AP3B1: variants seen among roughly 807,000 people sequenced by gnomAD.
AP3B1 encodes the protein AP-3 complex subunit beta-1.
AP3B1 carries 61 observed loss-of-function variants against 132.5 expected under a neutral mutation model. The observed-to-expected ratio is 0.46, with a 90% CI of 0.37 to 0.57. The LOEUF is 0.57. AP3B1 is among the 20% of genes least tolerant of loss of function. AP3B1 has a pLI of 0.00. For synonymous variants in AP3B1, 388 were observed against 438.3 expected, an observed-to-expected ratio of 0.89 and a Z score of 1.43; for missense variants, 1,120 against 1,289.4, an observed-to-expected ratio of 0.87 and a Z score of 2.01.
intron 1 of AP3B1, among the ~76,000 whole-genome samples, chr5:78,273,841 G>C (rs1245145302): frequency 6.6e-6 from 1 of 151,656 alleles, no homozygotes; most frequent in East Asian, 1.9e-4. Context: ...GACAAGATCA[G>C]AATGATCTGC....
intron 23 of AP3B1, among the ~76,000 whole-genome samples, chr5:78,035,553 A>T (rs1471289494): frequency 6.6e-6 from 1 of 152,086 alleles, no homozygotes; most frequent in Non-Finnish European, 1.5e-5. Context: ...AGCTTCATTT[A>T]TTAAGTATTA....
rs746328055 is a variant in AP3B1 at position 78,039,163 on chromosome 5, C to A, written c.2689G>T (p.Asp897Tyr). 11 of 1,613,752 alleles carry A rather than the reference C, an allele frequency of 6.8e-6. No homozygotes were observed. In the South Asian group the frequency reaches 1.2e-4, roughly 18 times the overall value. The change falls in exon 23 of 27, where the codon GAT becomes TAT. Residue 897 changes from aspartate to tyrosine, a missense_variant. Physicochemically the swap from Asp to Tyr is radical, Grantham distance 160. Transcript: ENST00000255194. ...FFPRQPCIFG[D>Y]KMVSIQITLN... Reference sequence around the variant, plus strand: ...GTTATTTGTATAGAGACCATCTTATCACCAAAAATGCAAGGCTGTCTTGGA... The same window carrying A: ...GTTATTTGTATAGAGACCATCTTATAACCAAAAATGCAAGGCTGTCTTGGA...
intron 7 of AP3B1, among the ~76,000 whole-genome samples, chr5:78,192,589 C>T (rs971168690): frequency 2.0e-5 from 3 of 152,124 alleles, no homozygotes; most frequent in Admixed American, 2.0e-4. Context: ...TTGCAGTGAG[C>T]CAAAATTGCG....
intron 2 of AP3B1, among the ~76,000 whole-genome samples, chr5:78,243,713 C>T (rs550813488): frequency 6.6e-6 from 1 of 152,208 alleles, no homozygotes; most frequent in African/African-American, 2.4e-5. Context: ...GGAAGGGACC[C>T]ATGTGACTAG....
intron 15 of AP3B1, among the ~76,000 whole-genome samples, chr5:78,139,502 T>C (rs1316034929): frequency 6.6e-6 from 1 of 152,218 alleles, no homozygotes; most frequent in Admixed American, 6.5e-5. Context: ...CTTTTAAAGA[T>C]GACTTAAAAT....
intron 17 of AP3B1, 71 bp downstream of exon 17, chr5:78,127,959 T>C (rs1752530915): frequency 1.9e-6 from 3 of 1,570,988 alleles, no homozygotes; most frequent in African/African-American, 2.7e-5. Flanking sequence ...AAAAAGCTTT[T>C]ATATAAAACA....
intron 21 of AP3B1, 101 bp from the exon 22 acceptor site, chr5:78,089,600 T>C (rs1377089258): frequency 1.3e-6 from 1 of 789,554 alleles, no homozygotes. Flanking sequence ...TAAATTACTT[T>C]GATTAATAAA....
Position 78,052,652 on chromosome 5 carries a change from C to T in AP3B1, c.2578-13378G>A, listed in dbSNP as rs187341124. Among the ~76,000 whole-genome samples the T allele has an allele frequency of 3.3e-5, 5 of 152,200 alleles. No individual in the cohort carries two copies. In the East Asian group the frequency reaches 9.7e-4, roughly 29 times the overall value. ...CTGGCCCTTTACAAAAAATGTTTGC[C>T]GATCCCTGGTATAGGATATATTCAA... On this transcript the variant is annotated intron_variant, in intron 22 of 26. Transcript: ENST00000255194.
At chr5:78,141,368 T>C (rs745914876) in intron 14 of AP3B1, 49 bp from the exon 15 acceptor site, 2 of 1,458,092 alleles carry the variant, frequency 1.4e-6, no homozygotes, top group Non-Finnish European at 1.9e-6. Context: ...AATCATACTC[T>C]AATATTAACA....
chr5:78,103,096 A>G (rs1266092991), intron 20 of AP3B1, among the ~76,000 whole-genome samples: 1 of 152,214 alleles, frequency 6.6e-6, no homozygotes, highest in East Asian at 1.9e-4. Context: ...AATCAACGCT[A>G]TAAAATGCTT....
intron 17 of AP3B1, among the ~76,000 whole-genome samples, chr5:78,126,580 G>A (rs1752477067): frequency 6.8e-6 from 1 of 147,702 alleles, no homozygotes; most frequent in South Asian, 2.1e-4. Context: ...AGAGTATGCA[G>A]ATTTGAGTAA....
At chr5:78,286,009 C>T (rs1363377250) in intron 1 of AP3B1, among the ~76,000 whole-genome samples, 1 of 152,166 alleles carries the variant, frequency 6.6e-6, no homozygotes, top group Non-Finnish European at 1.5e-5. Context: ...CTGCTCAAAA[C>T]TCTCCAAATG....
chr5:78,215,798 A>G (rs572646664), intron 7 of AP3B1, among the ~76,000 whole-genome samples: 8 of 152,326 alleles, frequency 5.3e-5, no homozygotes, highest in African/African-American at 1.9e-4. Flanking sequence ...TCCTCCTAAC[A>G]AGGGCCTCTT....
At chr5:78,058,325 C>A (rs1401018831) in intron 22 of AP3B1, among the ~76,000 whole-genome samples, 1 of 151,968 alleles carries the variant, frequency 6.6e-6, no homozygotes, top group African/African-American at 2.4e-5. Context: ...CATGGTGAAA[C>A]CCCATCTCTA....
At chr5:78,193,770 A>ATATATATATATATATATATATTTTT in intron 7 of AP3B1, among the ~76,000 whole-genome samples, 1 of 67,214 alleles carries the variant, frequency 1.5e-5, no homozygotes, top group African/African-American at 5.2e-5. Context: ...ATATATATAT[A>ATATATATATATATATATATATTTTT]TTTTTTTTTT....
intron 1 of AP3B1, among the ~76,000 whole-genome samples, chr5:78,286,234 G>A (rs191183813): frequency 1.3e-5 from 2 of 152,234 alleles, no homozygotes; most frequent in Admixed American, 1.3e-4. Context: ...GTGATGCCTA[G>A]CTCTGCCAAC....
At chr5:78,024,610 G>C (rs1008387355) in intron 24 of AP3B1, among the ~76,000 whole-genome samples, 1 of 145,444 alleles carries the variant, frequency 6.9e-6, no homozygotes, top group Non-Finnish European at 1.5e-5. Flanking sequence ...TGTCGCCCAG[G>C]CTGGAGTGCA....
At chr5:78,166,701 G>C (rs940994740) in intron 11 of AP3B1, among the ~76,000 whole-genome samples, 6 of 151,996 alleles carry the variant, frequency 3.9e-5, no homozygotes, top group African/African-American at 9.7e-5. Context: ...CAAATACTTA[G>C]AGCCAACTGA....
rs541694997 is a variant in AP3B1 at position 78,046,561 on chromosome 5, C to T, written c.2578-7287G>A. Among the ~76,000 whole-genome samples the T allele has an allele frequency of 2.0e-5, 3 of 152,266 alleles. No individual in the cohort carries two copies. The East Asian group carries it at 5.8e-4, about 29-fold the overall frequency. Reference sequence around the variant, plus strand: ...TCAAAGATGTTTCCACAGCAAACAGCCTTTGGAAGACAGAGGTAATGCCTC... The same window carrying T: ...TCAAAGATGTTTCCACAGCAAACAGTCTTTGGAAGACAGAGGTAATGCCTC... On this transcript the variant is annotated intron_variant, in intron 22 of 26. Transcript: ENST00000255194.
Sources: allele counts gnomAD v4.1 joint callset (sites outside exome capture counted in the v4.1 genomes callset), GRCh38; gene constraint gnomAD v4.1.1; transcripts MANE v1.5; gene names NCBI Gene and HGNC (gene_info 2026-07-23, HGNC 2026-07-21).